CRYL1: variants seen among roughly 807,000 people sequenced by gnomAD.
CRYL1 encodes the protein lambda-crystallin homolog.
A neutral mutation model predicts 36.6 loss-of-function variants in CRYL1; 29 were observed. The observed-to-expected ratio is 0.79, with a 90% confidence interval of 0.59 to 1.08. The LOEUF is 1.08. Among genes scored for constraint, CRYL1 ranks in the 50% least tolerant of loss-of-function variants. CRYL1 has a pLI of 0.00. For missense variants in CRYL1, 411 were observed against 407.9 expected, an observed-to-expected ratio of 1.01 and a Z score of -0.06; for synonymous variants, 152 against 151.5, an observed-to-expected ratio of 1.00 and a Z score of -0.02.
intron 5 of CRYL1, chr13:20,430,667 C>A: frequency 1.0e-6 from 1 of 985,374 alleles, no homozygotes; most frequent in Non-Finnish European, 1.2e-6. Context: ...AATCCCAAAC[C>A]CTTCCTTGAG....
At chr13:20,426,901 C>G in intron 5 of CRYL1, 1 of 985,544 alleles carries the variant, frequency 1.0e-6, no homozygotes, top group Non-Finnish European at 1.2e-6. Context: ...GCCCTAAGGA[C>G]AGCAGTCCAG....
chr13:20,516,842 C>T (rs9552221), intron 1 of CRYL1, among the ~76,000 whole-genome samples: 11,306 of 151,978 alleles, frequency 0.074, 732 homozygotes, highest in East Asian at 0.35. Context: ...GAGGCTGAGG[C>T]GGGAGGATAA....
chr13:20,406,708 A>C (rs2031386135), intron 6 of CRYL1, among the ~76,000 whole-genome samples: 1 of 151,572 alleles, frequency 6.6e-6, no homozygotes. Flanking sequence ...ACACAAATAC[A>C]GTTTATTCCT....
At chr13:20,434,122 T>C (rs2032144309) in intron 4 of CRYL1, among the ~76,000 whole-genome samples, 1 of 152,204 alleles carries the variant, frequency 6.6e-6, no homozygotes. Context: ...TCAGTGAGAA[T>C]GTGTCACATC....
At chr13:20,455,933 C>T (rs2032673123) in intron 3 of CRYL1, among the ~76,000 whole-genome samples, 1 of 152,238 alleles carries the variant, frequency 6.6e-6, no homozygotes, top group East Asian at 1.9e-4. Context: ...AGCGATAGAT[C>T]CATACAAATC....
chr13:20,521,522 T>C (rs1334511530), intron 1 of CRYL1, among the ~76,000 whole-genome samples: 1 of 152,194 alleles, frequency 6.6e-6, no homozygotes, highest in African/African-American at 2.4e-5. Flanking sequence ...GACATCTTAT[T>C]GGCCTTTTTT....
Position 20,430,873 on chromosome 13 carries a change from G to A in CRYL1, c.633+1229C>T, listed in dbSNP as rs184607117. The A allele has an allele frequency of 2.3e-4, 224 of 985,066 alleles. No homozygotes were observed. The African/African-American group carries it at 3.7e-3, about 16-fold the overall frequency. 61.0% of individuals were successfully genotyped at this position (985,066 alleles called of 1,614,324 possible). ...TTAAATAAATCTCCAAAAAGGTTCTGATAGATCCGTGTTTCTTTAAAAATA... is the reference window on the plus strand; with the variant it reads ...TTAAATAAATCTCCAAAAAGGTTCTAATAGATCCGTGTTTCTTTAAAAATA... On this transcript the variant is annotated intron_variant, in intron 5 of 7. Transcript: ENST00000298248.
At chr13:20,408,878 T>G (rs576781128) in intron 6 of CRYL1, among the ~76,000 whole-genome samples, 1 of 152,218 alleles carries the variant, frequency 6.6e-6, no homozygotes, top group African/African-American at 2.4e-5. Context: ...GAGCATTCCA[T>G]GCTCATGGGT....
chr13:20,457,532 G>A (rs761122202), intron 3 of CRYL1, among the ~76,000 whole-genome samples: 3 of 152,162 alleles, frequency 2.0e-5, no homozygotes, highest in Non-Finnish European at 2.9e-5. Flanking sequence ...GTACTCATTC[G>A]ATTCCAGAAA....
intron 2 of CRYL1, among the ~76,000 whole-genome samples, chr13:20,505,631 G>A: frequency 6.6e-6 from 1 of 152,146 alleles, no homozygotes. Context: ...CATAGTGAGG[G>A]ACACTGGGGG....
At chr13:20,496,345 G>A (rs1478976730) in intron 2 of CRYL1, among the ~76,000 whole-genome samples, 2 of 152,158 alleles carry the variant, frequency 1.3e-5, no homozygotes, top group Admixed American at 1.3e-4. Flanking sequence ...CGTACTTAAT[G>A]CTACTCAACT....
chr13:20,410,440 G>A lies in CRYL1; in HGVS notation c.739+2842C>T, dbSNP rs926331578. On this transcript the variant is annotated intron_variant, in intron 6 of 7. Coordinates refer to ENST00000298248, the MANE Select transcript of CRYL1 (RefSeq NM_015974.3). ...GGAGATATACCTAATGCTAGATGAC[G>A]AGTTAGTGGGTGCAGCGCACCAGCA... Among the ~76,000 whole-genome samples the A allele has an allele frequency of 6.7e-5, 10 of 149,902 alleles. No individual in the cohort carries two copies. The East Asian group carries it at 1.4e-3, about 21-fold the overall frequency.
At chr13:20,419,708 C>G (rs533339697) in intron 5 of CRYL1, among the ~76,000 whole-genome samples, 1 of 152,162 alleles carries the variant, frequency 6.6e-6, no homozygotes, top group Non-Finnish European at 1.5e-5. Context: ...CCACCACATC[C>G]GGCCTAGATT....
At chr13:20,523,966 G>A (rs1030198247) in intron 1 of CRYL1, among the ~76,000 whole-genome samples, 1 of 152,128 alleles carries the variant, frequency 6.6e-6, no homozygotes, top group South Asian at 2.1e-4. Context: ...AAGGCATGAT[G>A]GACCTATACA....
chr13:20,403,865 T>C lies in CRYL1; in HGVS notation c.*264A>G. The C allele has an allele frequency of 3.2e-6, 1 of 316,482 alleles. No individual in the cohort carries two copies. Among genetic ancestry groups the C allele is most frequent in the Non-Finnish European group, 5.7e-6 (1 of 174,206 alleles). 19.6% of individuals were successfully genotyped at this position (316,482 alleles called of 1,614,324 possible). ...ATGCAATCAAGCTGAAAAGAAAAGG[T>C]GAAAATCTCCAGGTTATCTGCCCAG... is the stretch of plus-strand genomic sequence containing the variant. On this transcript the variant is annotated 3_prime_UTR_variant, in exon 8 of 8. Transcript: ENST00000298248.
In CRYL1 at chr13:20,426,587, AAGAGACACACAT is replaced by A. The variant is rs538740128; in HGVS notation, c.633+5503_633+5514del. On this transcript the variant is annotated intron_variant, in intron 5 of 7. Transcript: ENST00000298248. The stretch of plus-strand genomic sequence containing the variant: ...CGGTCAGAGAGAAGGAGTCAGAAAC[AAGAGACACACAT>A]AGAGACACACAGAGACACATACAGA... 11 of 590,760 alleles carry A rather than the reference AAGAGACACACAT, an allele frequency of 1.9e-5. 1 individual carries two copies. The East Asian group carries it at 8.5e-4, about 46-fold the overall frequency. The allele number at this position is 590,760 out of a possible 1,614,324, so 36.6% of individuals were successfully genotyped here. A position where few individuals can be genotyped will look rare whatever the true frequency, so the allele number is the denominator to read the frequency against.
chr13:20,449,252 C>G (rs2032518799), intron 3 of CRYL1, among the ~76,000 whole-genome samples: 1 of 152,172 alleles, frequency 6.6e-6, no homozygotes, highest in South Asian at 2.1e-4. Context: ...GCAAAAATAG[C>G]AGCAATGCAT....
At chr13:20,423,887 C>T (rs535636828) in intron 5 of CRYL1, among the ~76,000 whole-genome samples, 2 of 151,258 alleles carry the variant, frequency 1.3e-5, no homozygotes, top group East Asian at 3.9e-4. Context: ...TCTCCTGCCT[C>T]AGCCTCCCAA....
chr13:20,486,036 A>G (rs1049517702), intron 3 of CRYL1, among the ~76,000 whole-genome samples: 17 of 152,012 alleles, frequency 1.1e-4, no homozygotes, highest in Admixed American at 2.0e-4. Flanking sequence ...CTCCCACCTC[A>G]GCCTCCCAAG....
Sources: gnomAD v4.1 joint callset for allele counts (sites outside exome capture counted in the v4.1 genomes callset) on GRCh38, gnomAD v4.1.1 for gene constraint, MANE v1.5 for transcripts, NCBI Gene and HGNC (gene_info 2026-07-23, HGNC 2026-07-21) for gene names.